IQCB1: variants seen among roughly 807,000 people sequenced by gnomAD.
IQCB1 encodes IQ motif containing B1.
IQCB1 carries 56 observed loss-of-function variants against 84.4 expected under a neutral mutation model. The observed-to-expected ratio is 0.66, with a 90% CI of 0.54 to 0.83. IQCB1 has a LOEUF of 0.83. Among genes scored for constraint, IQCB1 ranks in the 40% least tolerant of loss-of-function variants. IQCB1 has a pLI of 0.00. For synonymous variants in IQCB1, 210 were observed against 234.8 expected (o/e 0.89, Z 0.96); for missense variants, 629 against 682.1 (o/e 0.92, Z 0.87).
chr3:121,797,859 T>G (rs1254346181), intron 8 of IQCB1, among the ~76,000 whole-genome samples: 2 of 151,996 alleles, frequency 1.3e-5, no homozygotes, highest in African/African-American at 4.8e-5. Context: ...ACTGAAATGA[T>G]GTATTATAAT....
At position 121,826,056 on chromosome 3, in the gene IQCB1, C is replaced by T. The variant is rs1421817486; in HGVS notation, c.388G>A (p.Ala130Thr). ...AAGACTAAATAAACACATACCTTAG[C>T]TGCATTGATAAAACATGTTTGTAAT... is the stretch of plus-strand genomic sequence containing the variant. ...RQLQTCFINA[A>T]KAEEKDELLH... Residue 130 changes from alanine to threonine, a missense_variant, in exon 5 of 15, where the codon GCT becomes ACT. Ala to Thr is a moderately conservative substitution (Grantham distance 58). Coordinates refer to ENST00000310864, the MANE Select transcript of IQCB1 (RefSeq NM_001023570.4). The T allele has an allele frequency of 2.5e-6, 4 of 1,612,306 alleles. No individual in the cohort carries two copies. Among genetic ancestry groups the T allele is most frequent in the Non-Finnish European group, 3.4e-6 (4 of 1,178,524 alleles).
intron 5 of IQCB1, among the ~76,000 whole-genome samples, chr3:121,818,642 C>T (rs1222635263): frequency 6.6e-6 from 1 of 152,080 alleles, no homozygotes; most frequent in Non-Finnish European, 1.5e-5. Context: ...AAGCAAGAGA[C>T]TGATTGATAA....
At chr3:121,793,506 AC>A (rs1314237718) in intron 10 of IQCB1, among the ~76,000 whole-genome samples, 1 of 152,214 alleles carries the variant, frequency 6.6e-6, no homozygotes, top group Admixed American at 6.5e-5. Context: ...AAACCAAGCT[AC>A]AAAGGAAGCA....
chr3:121,789,755 A>C (rs555082543), intron 11 of IQCB1, among the ~76,000 whole-genome samples: 1 of 152,152 alleles, frequency 6.6e-6, no homozygotes, highest in South Asian at 2.1e-4. Context: ...TAATATTCCA[A>C]CTCCTTGTTT....
Position 121,835,005 on chromosome 3 carries a change from G to A in IQCB1, c.-141C>T. On this transcript the variant is annotated 5_prime_UTR_variant, in exon 1 of 15. Coordinates refer to ENST00000310864, the MANE Select transcript of IQCB1 (RefSeq NM_001023570.4). ...GCGTTCTTCCACTAAAGAACCTGGG[G>A]CTCCCACGCCGCACTACAGCGCCGC... 1.9e-6 allele frequency: 1 copy of A among 519,596 alleles called. No homozygotes were observed. Among genetic ancestry groups the A allele is most frequent in the Non-Finnish European group, 3.5e-6 (1 of 288,412 alleles). 32.2% of individuals were successfully genotyped at this position (519,596 alleles called of 1,614,324 possible).
chr3:121,773,617 C>A (rs1948099460), intron 13 of IQCB1, among the ~76,000 whole-genome samples: 1 of 152,144 alleles, frequency 6.6e-6, no homozygotes, highest in South Asian at 2.1e-4. Flanking sequence ...CTGTTCCTAT[C>A]CTGGATATGA....
chr3:121,770,494 T>C lies in IQCB1; in HGVS notation c.1648A>G (p.Lys550Glu). The change falls in exon 15 of 15, where the codon AAG becomes GAG. Residue 550 changes from lysine (K) to glutamate (E), a missense_variant. Lys to Glu is a moderately conservative substitution (Grantham distance 56). Coordinates refer to ENST00000310864, the MANE Select transcript of IQCB1 (RefSeq NM_001023570.4). ...SRSRPVAAKA[K>E]QAHLTTLKHI... ...TTCAGGGTTGTGAGATGGGCCTGCT[T>C]GGCCTTGGCTGCCACAGGCCTGGAT... 1 of 1,614,212 alleles carries C rather than the reference T, an allele frequency of 6.2e-7. No individual in the cohort carries two copies. Among genetic ancestry groups the C allele is most frequent in the South Asian group, 1.1e-5 (1 of 91,088 alleles).
At chr3:121,788,491 G>C in intron 11 of IQCB1, 59 bp from the exon 12 acceptor site, 1 of 1,422,286 alleles carries the variant, frequency 7.0e-7, no homozygotes, top group South Asian at 1.1e-5. Flanking sequence ...TTAAGTTCTG[G>C]AATCAGGACA....
intron 10 of IQCB1, among the ~76,000 whole-genome samples, chr3:121,792,387 C>T (rs934777188): frequency 1.6e-4 from 25 of 151,890 alleles, no homozygotes; most frequent in African/African-American, 5.6e-4. Flanking sequence ...GGGCCGGGCG[C>T]GGTGGCTCAC....
chr3:121,830,604 TATATAC>T (rs1320305990), intron 2 of IQCB1, among the ~76,000 whole-genome samples: 1 of 152,204 alleles, frequency 6.6e-6, no homozygotes, highest in Non-Finnish European at 1.5e-5. Context: ...CATACATACA[TATATAC>T]ATATACATAT....
intron 10 of IQCB1, among the ~76,000 whole-genome samples, chr3:121,793,724 A>G (rs1949079031): frequency 6.6e-6 from 1 of 152,224 alleles, no homozygotes; most frequent in East Asian, 1.9e-4. Context: ...TATCTTTTTA[A>G]TGGAAGTATT....
At chr3:121,817,031 T>C (rs1006849206) in intron 5 of IQCB1, among the ~76,000 whole-genome samples, 9 of 152,184 alleles carry the variant, frequency 5.9e-5, no homozygotes, top group African/African-American at 1.9e-4. Context: ...AATGATAGAT[T>C]GGACAAAGAA....
At position 121,778,296 on chromosome 3, in the gene IQCB1, C is replaced by T. The variant is rs146905794; in HGVS notation, c.1410+3447G>A. 2.7e-3 allele frequency among the ~76,000 whole-genome samples: 407 copies of T among 152,132 alleles called. 1 individual carries two copies. Among genetic ancestry groups the T allele is most frequent in the African/African-American group, 9.4e-3 (389 of 41,494 alleles). ...TATTAGCCCTTTGTTAGATGTATAG[C>T]TTGCAACTATTTTTTCCCATTCTAT... On this transcript the variant is annotated intron_variant, in intron 13 of 14. Transcript: ENST00000310864.
intron 9 of IQCB1, among the ~76,000 whole-genome samples, chr3:121,796,142 TTACC>T (rs1189442602): frequency 6.6e-6 from 1 of 152,104 alleles, no homozygotes; most frequent in African/African-American, 2.4e-5. Flanking sequence ...TATGATTTTG[TTACC>T]TAATCAATAT....
chr3:121,830,645 G>C (rs1247299170), intron 2 of IQCB1, among the ~76,000 whole-genome samples: 1 of 152,008 alleles, frequency 6.6e-6, no homozygotes, highest in Non-Finnish European at 1.5e-5. Context: ...ACAGTTTCTG[G>C]CTCATAACTC....
intron 7 of IQCB1, among the ~76,000 whole-genome samples, chr3:121,804,889 T>G (rs1949548166): frequency 6.6e-6 from 1 of 152,198 alleles, no homozygotes; most frequent in Non-Finnish European, 1.5e-5. Context: ...TGATATGCTT[T>G]TCTTTCCTCT....
intron 2 of IQCB1, among the ~76,000 whole-genome samples, chr3:121,831,353 T>G (rs926099701): frequency 6.6e-6 from 1 of 151,980 alleles, no homozygotes; most frequent in Non-Finnish European, 1.5e-5. Flanking sequence ...TTTGTATTTT[T>G]AGTAGAGACA....
chr3:121,831,958 A>G (rs998509659), intron 2 of IQCB1, among the ~76,000 whole-genome samples: 11 of 152,210 alleles, frequency 7.2e-5, no homozygotes, highest in Non-Finnish European at 1.5e-4. Context: ...AGCAAAATAT[A>G]TTTAAACATC....
chr3:121,784,295 C>T (rs12492973), intron 12 of IQCB1, among the ~76,000 whole-genome samples: 60,194 of 151,600 alleles, frequency 0.4, 12,502 homozygotes, highest in South Asian at 0.56. Flanking sequence ...ATCCTGCTGC[C>T]TTAGCCTTCT....
Sources: allele counts gnomAD v4.1 joint callset (sites outside exome capture counted in the v4.1 genomes callset), GRCh38; gene constraint gnomAD v4.1.1; transcripts MANE v1.5; gene names NCBI Gene and HGNC (gene_info 2026-07-23, HGNC 2026-07-21).